The following DNAH1 variants were observed in gnomAD, a reference collection of about 807,000 sequenced individuals.
DNAH1 encodes the protein axonemal beta dynein heavy chain 1.
A neutral mutation model predicts 484.3 loss-of-function variants in DNAH1; 327 were observed. The ratio of observed to expected loss-of-function variants is 0.68; its 90% CI spans 0.62 to 0.74. DNAH1 has a LOEUF of 0.74. Among genes scored for constraint, DNAH1 ranks in the 30% least tolerant of loss-of-function variants. The pLI is 0.00. For missense variants in DNAH1, 5,052 were observed against 5,546.8 expected, an observed-to-expected ratio of 0.91 and a Z score of 2.83; for synonymous variants, 2,192 against 2,191.9, an observed-to-expected ratio of 1.00 and a Z score of 0.00.
chr3:52,379,852 A>ACCAC lies in DNAH1; in HGVS notation c.7378-53_7378-52insCCAC. On this transcript the variant is annotated intron_variant, in intron 47 of 77. Transcript: ENST00000420323. This position sits in a 1 kb window ranked among gnomAD's most constrained non-coding sequence, Gnocchi z 4.4. ...CCTCCCTTGCCTGGTGGTTTGAGAG[A>ACCAC]TAGCTGAGGGCTTGGGGGCCAAGGA... 6.7e-7 allele frequency: 1 copy of ACCAC among 1,489,556 alleles called. No homozygotes were observed. 92.3% of individuals were successfully genotyped at this position (1,489,556 alleles called of 1,614,324 possible). A position where few individuals can be genotyped will look rare whatever the true frequency, so the allele number is the denominator to read the frequency against.
In DNAH1 at chr3:52,329,243, G is replaced by A. The variant is rs1198743784; in HGVS notation, c.871+1229G>A. Among the ~76,000 whole-genome samples, 3 of 152,190 alleles carry A rather than the reference G, an allele frequency of 2.0e-5. No individual in the cohort carries two copies. In the East Asian group the frequency reaches 5.8e-4, roughly 29 times the overall value. ...GCCCTGGTCTGGGGTGGTGGCCCAGGTGGGAGGAGGGGTGAGCAGGGAGAG... is the reference window on the plus strand; with the variant it reads ...GCCCTGGTCTGGGGTGGTGGCCCAGATGGGAGGAGGGGTGAGCAGGGAGAG... On this transcript the variant is annotated intron_variant, in intron 6 of 77. Transcript: ENST00000420323.
Position 52,395,141 on chromosome 3 carries a change from G to A in DNAH1, c.10968+82G>A, listed in dbSNP as rs1559573126. The A allele has an allele frequency of 9.1e-6, 14 of 1,530,158 alleles. No homozygotes were observed. The highest frequency in any genetic ancestry group is 4.0e-5 in the Admixed American group (2 of 50,478). The allele number at this position is 1,530,158 out of a possible 1,614,324, so 94.8% of individuals were successfully genotyped here. A position where few individuals can be genotyped will look rare whatever the true frequency, so the allele number is the denominator to read the frequency against. On this transcript the variant is annotated intron_variant, in intron 68 of 77. Transcript: ENST00000420323. This position sits in a 1 kb window ranked among gnomAD's most constrained non-coding sequence, Gnocchi z 4.4. ...CCAGGGCCCTGGCTGCATCTGGATA[G>A]ACTACTTGGCCAGGCCAGGACCCCT...
At chr3:52,315,427 G>A (rs761599985), upstream of DNAH1, among the ~76,000 whole-genome samples, 1 of 152,242 alleles carries the variant, frequency 6.6e-6, no homozygotes, top group Non-Finnish European at 1.5e-5. Flanking sequence ...AGCCAGCAAG[G>A]AGACACAGGG....
chr3:52,356,557 C>A, intron 21 of DNAH1, 57 bp from the exon 22 acceptor site: 1 of 1,580,884 alleles, frequency 6.3e-7, no homozygotes, highest in Non-Finnish European at 8.6e-7. Context: ...TGGGACAAAC[C>A]CCAGCTTGGA....
chr3:52,373,854 T>G, intron 44 of DNAH1: 1 of 1,411,974 alleles, frequency 7.1e-7, no homozygotes, highest in South Asian at 1.2e-5. Flanking sequence ...AGTCCATATG[T>G]TTGCAGTTAA....
chr3:52,368,249 A>G lies in DNAH1; in HGVS notation c.5766-492A>G, dbSNP rs1282328662. 6.6e-6 allele frequency among the ~76,000 whole-genome samples: 1 copy of G among 152,164 alleles called. No individual in the cohort carries two copies. The highest frequency in any genetic ancestry group is 1.5e-5 in the Non-Finnish European group (1 of 68,012). ...AACTGGATTTTACAAGGACGTGCAT[A>G]TATGGGCACCTAGGAGAAGGTTCCG... On this transcript the variant is annotated intron_variant, in intron 36 of 77. Transcript: ENST00000420323. This position sits in a 1 kb window ranked among gnomAD's most constrained non-coding sequence, Gnocchi z 4.4.
chr3:52,378,502 G>A, intron 46 of DNAH1, 100 bp from the exon 47 acceptor site: 1 of 1,309,880 alleles, frequency 7.6e-7, no homozygotes, highest in Admixed American at 1.8e-5. Context: ...AAGGGGCTTG[G>A]TGGGGGGCAC....
In DNAH1 at chr3:52,381,552, C is replaced by T. The variant is rs1703843298; in HGVS notation, c.7609-88C>T. 7.6e-7 allele frequency: 1 copy of T among 1,313,644 alleles called. No individual in the cohort carries two copies. Among genetic ancestry groups the T allele is most frequent in the Non-Finnish European group, 1.0e-6 (1 of 955,996 alleles). 81.4% of individuals were successfully genotyped at this position (1,313,644 alleles called of 1,614,324 possible). Reference sequence around the variant, plus strand: ...AGGCACCTGTGCTTCTCAGTCAGGACAGAGAAGAAAGCGGGTGGGTGGGGG... The same window carrying T: ...AGGCACCTGTGCTTCTCAGTCAGGATAGAGAAGAAAGCGGGTGGGTGGGGG... On this transcript the variant is annotated intron_variant, in intron 48 of 77. Transcript: ENST00000420323. This position sits in a 1 kb window ranked among gnomAD's most constrained non-coding sequence, Gnocchi z 4.1.
intron 34 of DNAH1, 22 bp from the exon 35 acceptor site, chr3:52,366,435 G>A (rs1159927310): frequency 1.3e-6 from 2 of 1,569,890 alleles, no homozygotes; most frequent in Non-Finnish European, 1.7e-6. Context: ...CTGACCCTTG[G>A]GCCCCATGCC....
chr3:52,360,096 C>T lies in DNAH1; in HGVS notation c.4571+17C>T, dbSNP rs370224602. ...ACAGCTGAGGTGAGGACATGGGGGG[C>T]GCCCCCAGGGCCAGAGCAGCTGCCA... On this transcript the variant is annotated intron_variant, in intron 27 of 77. Coordinates refer to ENST00000420323, the MANE Select transcript of DNAH1 (RefSeq NM_015512.5). The T allele has an allele frequency of 3.2e-5, 52 of 1,613,432 alleles. 1 individual carries two copies. The highest frequency in any genetic ancestry group is 3.3e-4 in the Middle Eastern group (2 of 6,058).
rs769670819 is a variant in DNAH1 at position 52,364,600 on chromosome 3, G to A, written c.5245-38G>A. ...GTTCCAGGCAGAAGCCTTGGAGAGG[G>A]ACAGTGCTCACCCATGCCTCCTTCT... On this transcript the variant is annotated intron_variant, in intron 32 of 77. Transcript: ENST00000420323. This position sits in a 1 kb window ranked among gnomAD's most constrained non-coding sequence, Gnocchi z 4.2. 10 of 1,609,932 alleles carry A rather than the reference G, an allele frequency of 6.2e-6. No homozygotes were observed. Among genetic ancestry groups the A allele is most frequent in the South Asian group, 1.1e-5 (1 of 90,988 alleles).
Position 52,394,512 on chromosome 3 carries a change from T to A in DNAH1, c.10674T>A (p.Thr3558=). 6.2e-7 allele frequency: 1 copy of A among 1,614,020 alleles called. No homozygotes were observed. Among genetic ancestry groups the A allele is most frequent in the Non-Finnish European group, 8.5e-7 (1 of 1,179,876 alleles). Residue 3558 remains threonine (T), a synonymous_variant, in exon 67 of 78, where the codon ACT becomes ACA. Transcript: ENST00000420323. ...CTGGGGGCTCCATCTCGATCATGAC[T>A]GAGAATCCGGCACCGGACTGGCTGT... ...LLSGGSISIM[T]ENPAPDWLSD... is the part of the protein sequence containing the mutation.
chr3:52,346,443 C>T (rs749992938), intron 10 of DNAH1, 29 bp from the exon 11 acceptor site: 2 of 1,585,626 alleles, frequency 1.3e-6, no homozygotes, highest in South Asian at 1.1e-5. Context: ...CCCAGGGTGG[C>T]CATATGATGA....
chr3:52,327,763 T>G, intron 5 of DNAH1, 119 bp from the exon 6 acceptor site: 2 of 1,225,006 alleles, frequency 1.6e-6, no homozygotes, highest in Non-Finnish European at 2.3e-6. Flanking sequence ...AGTGCCACCT[T>G]GCAGCTCTCT....
intron 8 of DNAH1, among the ~76,000 whole-genome samples, chr3:52,339,287 G>T (rs1701844014): frequency 6.8e-6 from 1 of 147,728 alleles, no homozygotes. Context: ...TATTCTCTTG[G>T]TTATATCCTG....
At chr3:52,383,151 G>A (rs1398470108) in intron 50 of DNAH1, among the ~76,000 whole-genome samples, 1 of 152,208 alleles carries the variant, frequency 6.6e-6, no homozygotes, top group Non-Finnish European at 1.5e-5. Context: ...ACAACCCCCA[G>A]TGAGGACCCA....
chr3:52,361,471 G>T lies in DNAH1; in HGVS notation c.4874+119G>T. The T allele has an allele frequency of 7.6e-7, 1 of 1,321,262 alleles. No individual in the cohort carries two copies. Among genetic ancestry groups the T allele is most frequent in the Non-Finnish European group, 1.0e-6 (1 of 971,582 alleles). 81.8% of individuals were successfully genotyped at this position (1,321,262 alleles called of 1,614,324 possible). On this transcript the variant is annotated intron_variant, in intron 29 of 77. Coordinates refer to ENST00000420323, the MANE Select transcript of DNAH1 (RefSeq NM_015512.5). The surrounding 1 kb of genome is among the most constrained non-coding windows in gnomAD (Gnocchi z 5.6). ...CGAAGGATGGTGGAGGGGACAGAAG[G>T]GGGTAATAGGCATCACGGCTTGGTC... is the stretch of plus-strand genomic sequence containing the variant.
rs553743781 is a variant in DNAH1 at position 52,328,821 on chromosome 3, G to A, written c.871+807G>A. On this transcript the variant is annotated intron_variant, in intron 6 of 77. Transcript: ENST00000420323. The stretch of plus-strand genomic sequence containing the variant: ...ATCATTTGGGAAGTTGGAGGTGGCT[G>A]TTCCCCTGTGCAGGGCTGAAGGCTG... 2.0e-5 allele frequency among the ~76,000 whole-genome samples: 3 copies of A among 152,334 alleles called. No homozygotes were observed. In the South Asian group the frequency reaches 6.2e-4, roughly 32 times the overall value.
chr3:52,369,127 G>C (rs1164302280), intron 37 of DNAH1, among the ~76,000 whole-genome samples: 1 of 152,048 alleles, frequency 6.6e-6, no homozygotes, highest in East Asian at 1.9e-4. Context: ...CACACCTCAG[G>C]GTGTCCCGCA....
Sources: gnomAD v4.1 joint callset for allele counts (sites outside exome capture counted in the v4.1 genomes callset) on GRCh38, gnomAD v4.1.1 for gene constraint, Gnocchi (gnomAD v3.1) non-coding constraint, MANE v1.5 for transcripts, NCBI Gene and HGNC (gene_info 2026-07-23, HGNC 2026-07-21) for gene names.